MLLT10: variants seen among roughly 807,000 people sequenced by gnomAD.
MLLT10 encodes the protein protein AF-10.
In MLLT10, 30 loss-of-function variants were observed where a neutral mutation model predicts 129.1. The observed-to-expected ratio is 0.23, with a 90% CI of 0.17 to 0.32. The LOEUF is 0.32. Among genes scored for constraint, MLLT10 ranks in the 10% least tolerant of loss-of-function variants. MLLT10 has a pLI of 1.00. For missense variants in MLLT10, 1,119 were observed against 1,268.3 expected, an observed-to-expected ratio of 0.88 and a Z score of 1.79; for synonymous variants, 490 against 446.4, an observed-to-expected ratio of 1.10 and a Z score of -1.23.
intron 13 of MLLT10, among the ~76,000 whole-genome samples, chr10:21,699,993 T>C (rs1264540794): frequency 6.6e-6 from 1 of 152,196 alleles, no homozygotes; most frequent in Non-Finnish European, 1.5e-5. Flanking sequence ...TACTAATTCT[T>C]CCAATTCATG....
rs145605101 is a variant in MLLT10, at chr10:21,726,277, G to T, written c.1912G>T (p.Ala638Ser). The T allele has an allele frequency of 2.4e-4, 382 of 1,612,354 alleles. 1 individual carries two copies. In the African/African-American group the frequency reaches 4.2e-3, roughly 18 times the overall value. ...NTLSGSSLSQAPSHMYGNRSN... is the reference protein window; with the variant it reads ...NTLSGSSLSQSPSHMYGNRSN... The stretch of plus-strand genomic sequence containing the variant: ...TCTATCTGGATCTTCTCTCAGTCAG[G>T]CACCATCTCATATGTATGGCAATAG... The change falls in exon 15 of 23, where the codon GCA becomes TCA. Residue 638 changes from alanine to serine, a missense_variant. Physicochemically the swap from Ala to Ser is moderately conservative, Grantham distance 99 (BLOSUM62 1). Transcript: ENST00000307729.
intron 8 of MLLT10, among the ~76,000 whole-genome samples, chr10:21,649,669 A>G (rs940773020): frequency 6.6e-6 from 1 of 152,180 alleles, no homozygotes; most frequent in South Asian, 2.1e-4. Flanking sequence ...CTGTGATGTC[A>G]TTCTCCATTT....
At chr10:21,689,404 G>A (rs1336172443) in intron 13 of MLLT10, among the ~76,000 whole-genome samples, 2 of 151,480 alleles carry the variant, frequency 1.3e-5, no homozygotes, top group Non-Finnish European at 3.0e-5. Flanking sequence ...TTCAGATAAT[G>A]TAACGTTTGA....
At chr10:21,657,873 T>C (rs2049769861) in intron 9 of MLLT10, among the ~76,000 whole-genome samples, 1 of 152,172 alleles carries the variant, frequency 6.6e-6, no homozygotes, top group Non-Finnish European at 1.5e-5. Flanking sequence ...TTAATTTTTA[T>C]GTGTAATTTA....
chr10:21,672,532 C>T (rs1464656308), intron 10 of MLLT10, among the ~76,000 whole-genome samples: 1 of 152,076 alleles, frequency 6.6e-6, no homozygotes, highest in East Asian at 1.9e-4. Flanking sequence ...GTCTTGAACT[C>T]CTGACCTCAT....
At chr10:21,535,738 A>G (rs1352169735) in intron 2 of MLLT10, among the ~76,000 whole-genome samples, 1 of 152,198 alleles carries the variant, frequency 6.6e-6, no homozygotes, top group Non-Finnish European at 1.5e-5. Flanking sequence ...TGAATCTGGC[A>G]TTAAGCGATG....
In MLLT10 at chr10:21,733,973, C is replaced by T; in HGVS notation, c.2702C>T (p.Ala901Val). The change falls in exon 20 of 23, where the codon GCT (alanine) becomes GTT (valine). Residue 901 changes from alanine to valine, a missense_variant. Coordinates refer to ENST00000307729, the MANE Select transcript of MLLT10 (RefSeq NM_001195626.3). ...AVSAVGGIIG[A>V]LPGNQLAING... ...TCTGCAGTGGGTGGAATAATTGGAG[C>T]TTTGCCAGGTAACCAACTGGCAATT... The T allele has an allele frequency of 1.2e-6, 2 of 1,614,216 alleles. No individual in the cohort carries two copies. Among genetic ancestry groups the T allele is most frequent in the Non-Finnish European group, 1.7e-6 (2 of 1,180,034 alleles).
upstream of MLLT10, chr10:21,534,154 AGCCAACAG>A (rs1287108390): frequency 8.3e-6 from 3 of 360,618 alleles, no homozygotes; most frequent in Non-Finnish European, 1.5e-5. Flanking sequence ...GGCCGGGGGC[AGCCAACAG>A]GCCGCGGCAG....
intron 3 of MLLT10, among the ~76,000 whole-genome samples, chr10:21,582,527 A>G (rs1261087088): frequency 6.6e-6 from 1 of 152,188 alleles, no homozygotes; most frequent in African/African-American, 2.4e-5. Flanking sequence ...GCTCAGTACC[A>G]TTTGTTGTTT....
chr10:21,611,563 G>A (rs1589225854), intron 5 of MLLT10, among the ~76,000 whole-genome samples: 2 of 152,102 alleles, frequency 1.3e-5, no homozygotes, highest in South Asian at 4.1e-4. Flanking sequence ...TCAACTTGGA[G>A]TCTGCTGATT....
At chr10:21,707,449 C>A (rs1446449781) in intron 13 of MLLT10, among the ~76,000 whole-genome samples, 1 of 152,052 alleles carries the variant, frequency 6.6e-6, no homozygotes, top group Non-Finnish European at 1.5e-5. Flanking sequence ...TCTCGGCCTC[C>A]CAAAGTGCTG....
chr10:21,601,016 TCA>T (rs1212491393), intron 5 of MLLT10, among the ~76,000 whole-genome samples: 2 of 152,142 alleles, frequency 1.3e-5, no homozygotes, highest in Non-Finnish European at 2.9e-5. Flanking sequence ...CAATTACAGC[TCA>T]CTGTAGCTTC....
chr10:21,594,510 G>T (rs191906004), intron 4 of MLLT10, among the ~76,000 whole-genome samples: 1 of 138,978 alleles, frequency 7.2e-6, no homozygotes, highest in African/African-American at 2.8e-5. Flanking sequence ...ACGAGATCGC[G>T]CCACTGCTCT....
Position 21,743,167 on chromosome 10 carries a change from T to C in MLLT10, c.*1184T>C. The C allele has an allele frequency of 4.4e-6, 1 of 229,312 alleles. No individual in the cohort carries two copies. The highest frequency in any genetic ancestry group is 8.7e-6 in the Non-Finnish European group (1 of 115,352). The allele number at this position is 229,312 out of a possible 1,614,324, so 14.2% of individuals were successfully genotyped here. The stretch of plus-strand genomic sequence containing the variant: ...AGGATGTCATCATCAAACTCTTCTT[T>C]GGTGTGTGAATTATTAGTGGAAAAG... On this transcript the variant is annotated 3_prime_UTR_variant, in exon 23 of 23. Coordinates refer to ENST00000307729, the MANE Select transcript of MLLT10 (RefSeq NM_001195626.3).
chr10:21,646,795 C>A (rs1316997517), intron 8 of MLLT10, among the ~76,000 whole-genome samples: 1 of 151,558 alleles, frequency 6.6e-6, no homozygotes, highest in Non-Finnish European at 1.5e-5. Flanking sequence ...CATATGTAAT[C>A]TGTGAACTAC....
At chr10:21,565,156 A>C (rs1253614181) in intron 3 of MLLT10, among the ~76,000 whole-genome samples, 1 of 152,066 alleles carries the variant, frequency 6.6e-6, no homozygotes, top group African/African-American at 2.4e-5. Flanking sequence ...TTCTTTGCTC[A>C]AAAGTATAGT....
chr10:21,664,599 T>A (rs1456484723), intron 9 of MLLT10, among the ~76,000 whole-genome samples: 4 of 152,196 alleles, frequency 2.6e-5, no homozygotes, highest in African/African-American at 9.7e-5. Context: ...GTGTTTTTTA[T>A]AACAATGAAT....
chr10:21,551,224 C>T (rs2036962694), intron 3 of MLLT10, among the ~76,000 whole-genome samples: 1 of 150,310 alleles, frequency 6.7e-6, no homozygotes, highest in African/African-American at 2.5e-5. Context: ...CGTGCCCGGC[C>T]AACTTATCTT....
Position 21,708,562 on chromosome 10 carries a change from T to TTG in MLLT10, c.1700-5200_1700-5199dup, listed in dbSNP as rs796625088. On this transcript the variant is annotated intron_variant, in intron 13 of 22. Transcript: ENST00000307729. ...AAAGGAACATTTTGCTCTGTTTTTT[T>TTG]TGTGTGTGTGTTTTTTTTTTACCAG... 8.1e-6 allele frequency: 8 copies of TTG among 984,046 alleles called. No homozygotes were observed. In the South Asian group the frequency reaches 2.3e-4, roughly 29 times the overall value. The allele number at this position is 984,046 out of a possible 1,614,324, so 61.0% of individuals were successfully genotyped here.
Sources: allele counts gnomAD v4.1 joint callset (sites outside exome capture counted in the v4.1 genomes callset), GRCh38; gene constraint gnomAD v4.1.1; transcripts MANE v1.5; gene names NCBI Gene and HGNC (gene_info 2026-07-23, HGNC 2026-07-21).